RRAGC: variants seen among roughly 807,000 people sequenced by gnomAD.
The protein encoded by RRAGC is ras-related GTP-binding protein C.
Under a neutral mutation model 37.1 loss-of-function variants are expected in RRAGC, and 8 were observed. That is an observed-to-expected ratio of 0.22 (90% CI 0.13 to 0.39). The LOEUF (loss-of-function observed/expected upper bound fraction) is 0.39, where lower values mean the gene tolerates loss of function less well. RRAGC is among the 10% of genes least tolerant of loss of function. The pLI is 1.00. For missense variants in RRAGC, 342 were observed against 497.6 expected (o/e 0.69, Z 2.98); for synonymous variants, 190 against 181.1 (o/e 1.05, Z -0.39).
At chr1:38,858,165 A>G (rs1642190599) in intron 1 of RRAGC, among the ~76,000 whole-genome samples, 1 of 152,214 alleles carries the variant, frequency 6.6e-6, no homozygotes, top group African/African-American at 2.4e-5. Flanking sequence ...ATCAAGGTAA[A>G]TAAAACACAG....
chr1:38,838,852 A>C lies in RRAGC; in HGVS notation c.*701T>G, dbSNP rs1170600024. 6.6e-6 allele frequency: 1 copy of C among 152,138 alleles called. No individual in the cohort carries two copies. The highest frequency in any genetic ancestry group is 1.5e-5 in the Non-Finnish European group (1 of 67,998). The allele number at this position is 152,138 out of a possible 1,614,324, so 9.4% of individuals were successfully genotyped here. On this transcript the variant is annotated 3_prime_UTR_variant, in exon 7 of 7. Transcript: ENST00000373001. ...CATGATCATTTATCTAATGCAGAAG[A>C]AAGAACCCAGACATCTGGTACTCAG...
In RRAGC at chr1:38,840,677, G is replaced by A. The variant is rs186129764; in HGVS notation, c.1049-973C>T. On this transcript the variant is annotated intron_variant, in intron 6 of 6. Transcript: ENST00000373001. The stretch of plus-strand genomic sequence containing the variant: ...AGGGGAACAAAATCACAAGAAAACT[G>A]CAGGGACCTGGCCATGAGAATACAG... 1.3e-4 allele frequency among the ~76,000 whole-genome samples: 20 copies of A among 152,236 alleles called. No individual in the cohort carries two copies. The East Asian group carries it at 3.3e-3, about 25-fold the overall frequency.
At position 38,839,710 on chromosome 1, in the gene RRAGC, G is replaced by A; in HGVS notation, c.1049-6C>T. On this transcript the variant is annotated splice_polypyrimidine_tract_variant and splice_region_variant and intron_variant, in intron 6 of 6. Transcript: ENST00000373001. ...GAAGTTGTAGTCTATTAAACCTGCA[G>A]GAAGGAAAAAGAAAAGAATGCCTCC... 1 of 1,612,460 alleles carries A rather than the reference G, an allele frequency of 6.2e-7. No homozygotes were observed. The highest frequency in any genetic ancestry group is 8.5e-7 in the Non-Finnish European group (1 of 1,179,388).
At chr1:38,844,450 A>G (rs1322002484) in intron 6 of RRAGC, among the ~76,000 whole-genome samples, 1 of 148,828 alleles carries the variant, frequency 6.7e-6, no homozygotes, top group Non-Finnish European at 1.5e-5. Context: ...GGACTGAGGA[A>G]AAAAAAAAAA....
In RRAGC at chr1:38,842,822, G is replaced by A. The variant is rs557449116; in HGVS notation, c.1048+3117C>T. 1.4e-4 allele frequency among the ~76,000 whole-genome samples: 21 copies of A among 152,254 alleles called. No individual in the cohort carries two copies. The South Asian group carries it at 3.7e-3, about 27-fold the overall frequency. ...AACCTGTAGAATACTATATGGCAGC[G>A]AAAAGGAATGAACTAGAACTACGTG... On this transcript the variant is annotated intron_variant, in intron 6 of 6. Transcript: ENST00000373001.
chr1:38,843,577 G>C (rs536122505), intron 6 of RRAGC, among the ~76,000 whole-genome samples: 1 of 151,992 alleles, frequency 6.6e-6, no homozygotes, highest in South Asian at 2.1e-4. Flanking sequence ...AAAAGTAGCC[G>C]GGCGTGGTGG....
At chr1:38,856,795 A>G in intron 2 of RRAGC, 84 bp downstream of exon 2, 1 of 1,336,298 alleles carries the variant, frequency 7.5e-7, no homozygotes, top group Middle Eastern at 1.9e-4. Context: ...AGCTGCAACC[A>G]CATGACAAAG....
At position 38,856,940 on chromosome 1, in the gene RRAGC, G is replaced by A; in HGVS notation, c.380C>T (p.Thr127Ile). The change falls in exon 2 of 7, where the codon ACC becomes ATC. Residue 127 changes from threonine (T) to isoleucine (I), a missense_variant. Around this residue, in one of 3 missense-constraint regions of RRAGC, gnomAD observed 134 missense variants for 277.2 expected, o/e 0.48. Coordinates refer to ENST00000373001, the MANE Select transcript of RRAGC (RefSeq NM_022157.4). ...CCTGAAGATCATCTCATAGTCAAAG[G>A]TTGGGTCAAAAAAGTCCATTTGCCC... ...FPGQMDFFDP[T>I]FDYEMIFRGT... is the part of the protein sequence containing the mutation. 1 of 1,614,104 alleles carries A rather than the reference G, an allele frequency of 6.2e-7. No individual in the cohort carries two copies. Among genetic ancestry groups the A allele is most frequent in the Non-Finnish European group, 8.5e-7 (1 of 1,180,014 alleles).
intron 6 of RRAGC, among the ~76,000 whole-genome samples, chr1:38,840,190 C>CAACAG (rs1641947700): frequency 2.0e-5 from 3 of 151,292 alleles, no homozygotes; most frequent in African/African-American, 7.3e-5. Flanking sequence ...TCATATATAT[C>CAACAG]CACCATCATA....
intron 5 of RRAGC, chr1:38,847,957 T>C (rs1170933077): frequency 6.6e-6 from 1 of 151,486 alleles, no homozygotes. Flanking sequence ...GGAGGACAGC[T>C]TGAGCCCAGG....
At chr1:38,853,806 A>G (rs72658063) in intron 3 of RRAGC, among the ~76,000 whole-genome samples, 3,019 of 152,138 alleles carry the variant, frequency 0.02, 87 homozygotes, top group African/African-American at 0.062. Flanking sequence ...CTAGCAAGAC[A>G]GGGGTCTAAT....
Position 38,859,530 on chromosome 1 carries a change from C to T in RRAGC, c.117G>A (p.Ala39=). The T allele has an allele frequency of 1.3e-6, 2 of 1,547,746 alleles. No homozygotes were observed. The highest frequency in any genetic ancestry group is 8.7e-7 in the Non-Finnish European group (1 of 1,146,610). The change falls in exon 1 of 7, where the codon GCG becomes GCA. Residue 39 remains alanine, a synonymous_variant. Coordinates refer to ENST00000373001, the MANE Select transcript of RRAGC (RefSeq NM_022157.4). ...CCCCTGCCCCAACCCCTCCGCCCGCCGCCGCCGCCTCCTCTTCCTCCTCCT... is the reference window on the plus strand; with the variant it reads ...CCCCTGCCCCAACCCCTCCGCCCGCTGCCGCCGCCTCCTCTTCCTCCTCCT... ...GVEEEEEEAA[A]AGGGVGAGAG...
intron 5 of RRAGC, among the ~76,000 whole-genome samples, chr1:38,848,969 A>G (rs927031612): frequency 2.0e-5 from 3 of 152,160 alleles, no homozygotes; most frequent in Non-Finnish European, 4.4e-5. Flanking sequence ...CCATCTCCAC[A>G]AAAATCAAAA....
chr1:38,858,156 T>C (rs1391620397), intron 1 of RRAGC, among the ~76,000 whole-genome samples: 1 of 151,990 alleles, frequency 6.6e-6, no homozygotes, highest in African/African-American at 2.4e-5. Flanking sequence ...GAGGTGAAAA[T>C]CAAGGTAAAT....
chr1:38,839,424 C>G lies in RRAGC; in HGVS notation c.*129G>C, dbSNP rs1641923078. On this transcript the variant is annotated 3_prime_UTR_variant, in exon 7 of 7. Transcript: ENST00000373001. ...GGGGTTTTCATCCAAATGAGAAACT[C>G]TACCCCTTGTCTCTAGTGGAACAGG... The G allele has an allele frequency of 1.1e-6, 1 of 910,378 alleles. No individual in the cohort carries two copies. Among genetic ancestry groups the G allele is most frequent in the African/African-American group, 1.7e-5 (1 of 59,902 alleles). 56.4% of individuals were successfully genotyped at this position (910,378 alleles called of 1,614,324 possible). A position where few individuals can be genotyped will look rare whatever the true frequency, so the allele number is the denominator to read the frequency against.
intron 6 of RRAGC, among the ~76,000 whole-genome samples, chr1:38,845,494 AG>A (rs1296929249): frequency 3.9e-5 from 6 of 152,088 alleles, no homozygotes; most frequent in African/African-American, 1.4e-4. Flanking sequence ...TGGCTGGGGG[AG>A]GGATAACATT....
intron 1 of RRAGC, among the ~76,000 whole-genome samples, chr1:38,858,449 A>C (rs1642193884): frequency 6.6e-6 from 1 of 152,208 alleles, no homozygotes; most frequent in Non-Finnish European, 1.5e-5. Context: ...CTGTAATCCC[A>C]GCACTTTGGG....
At chr1:38,842,205 G>C (rs562983659) in intron 6 of RRAGC, among the ~76,000 whole-genome samples, 4 of 152,324 alleles carry the variant, frequency 2.6e-5, no homozygotes, top group African/African-American at 9.6e-5. Flanking sequence ...CCGGGAGGCG[G>C]AGCTTGCAGT....
chr1:38,843,747 G>C (rs530334091), intron 6 of RRAGC, among the ~76,000 whole-genome samples: 10 of 151,390 alleles, frequency 6.6e-5, no homozygotes, highest in Non-Finnish European at 1.0e-4. Context: ...AGGTAGAAGA[G>C]GAAGGACTTG....
Sources: gnomAD v4.1 joint callset for allele counts (sites outside exome capture counted in the v4.1 genomes callset) on GRCh38, gnomAD v4.1.1 for gene constraint, gnomAD v4.1.1 regional missense constraint, MANE v1.5 for transcripts, NCBI Gene and HGNC (gene_info 2026-07-23, HGNC 2026-07-21) for gene names.